Variants in TICRR observed in about 807,000 individuals in gnomAD.
The protein encoded by TICRR is treslin.
Under a neutral mutation model 178.1 loss-of-function variants are expected in TICRR, and 132 were observed. The observed-to-expected ratio is 0.74, with a 90% CI of 0.64 to 0.86. The LOEUF (loss-of-function observed/expected upper bound fraction) is 0.86, where lower values mean the gene tolerates loss of function less well. TICRR is among the 40% of genes least tolerant of loss of function. The pLI, the probability that TICRR is intolerant of heterozygous loss-of-function variation, is 0.00. For missense variants in TICRR, 2,587 were observed against 2,334.3 expected (o/e 1.11, Z -2.23); for synonymous variants, 991 against 900.7 (o/e 1.10, Z -1.79).
rs572785274 is a variant in TICRR, at chr15:89,586,672, G to A, written c.1411+730G>A. ...TCAGGGAAGGCCTTGCTGAAAAAATGATATTTGAGCAAAGGCATGAAGGAA... is the reference window on the plus strand; with the variant it reads ...TCAGGGAAGGCCTTGCTGAAAAAATAATATTTGAGCAAAGGCATGAAGGAA... On this transcript the variant is annotated intron_variant, in intron 4 of 21. Coordinates refer to ENST00000268138, the MANE Select transcript of TICRR (RefSeq NM_152259.4). 3.9e-4 allele frequency among the ~76,000 whole-genome samples: 60 copies of A among 152,318 alleles called. 1 individual carries two copies. The South Asian group carries it at 0.012, about 32-fold the overall frequency.
At chr15:89,607,148 A>C (rs1295615163) in intron 14 of TICRR, among the ~76,000 whole-genome samples, 2 of 152,222 alleles carry the variant, frequency 1.3e-5, no homozygotes, top group Non-Finnish European at 2.9e-5. Flanking sequence ...AATGCATTCC[A>C]TGATCCCTGC....
rs544783882 is a variant in TICRR at position 89,600,001 on chromosome 15, G to A, written c.2052+526G>A. On this transcript the variant is annotated intron_variant, in intron 8 of 21. Transcript: ENST00000268138. ...GGTGCCTGTAATCCCAGCTACTCGG[G>A]AGGCTGAGGCAGGAGAATCGTTTTA... is the stretch of plus-strand genomic sequence containing the variant. Among the ~76,000 whole-genome samples, 3 of 152,282 alleles carry A rather than the reference G, an allele frequency of 2.0e-5. No homozygotes were observed. The East Asian group carries it at 5.8e-4, about 29-fold the overall frequency.
intron 7 of TICRR, among the ~76,000 whole-genome samples, chr15:89,598,086 C>A (rs542437819): frequency 2.0e-5 from 3 of 152,236 alleles, no homozygotes; most frequent in Admixed American, 1.3e-4. Context: ...AATCTTGTAT[C>A]CTGCAAATTT....
chr15:89,616,879 C>T (rs1037062014), intron 16 of TICRR, among the ~76,000 whole-genome samples: 1 of 152,136 alleles, frequency 6.6e-6, no homozygotes, highest in Admixed American at 6.5e-5. Flanking sequence ...TTTTCTGCAG[C>T]GATTGGTTGG....
intron 4 of TICRR, among the ~76,000 whole-genome samples, chr15:89,586,813 G>A (rs563761996): frequency 6.6e-6 from 1 of 152,308 alleles, no homozygotes; most frequent in African/African-American, 2.4e-5. Context: ...GAGAGTAGGA[G>A]GGGGTGAGGT....
rs946213415 is a variant in TICRR at position 89,575,503 on chromosome 15, A to C, written c.-84A>C. On this transcript the variant is annotated 5_prime_UTR_variant, in exon 1 of 22. Transcript: ENST00000268138. Reference sequence around the variant, plus strand: ...ACCAGGGTCCCAAAGGAAAGCAGTGAGTGGTGCTGTTTCCCTGAAGGAAGG... The same window carrying C: ...ACCAGGGTCCCAAAGGAAAGCAGTGCGTGGTGCTGTTTCCCTGAAGGAAGG... 4.6e-6 allele frequency: 6 copies of C among 1,292,478 alleles called. No homozygotes were observed. The highest frequency in any genetic ancestry group is 4.9e-4 in the Middle Eastern group (2 of 4,096). 80.1% of individuals were successfully genotyped at this position (1,292,478 alleles called of 1,614,324 possible).
chr15:89,625,241 G>T lies in TICRR; in HGVS notation c.4931G>T (p.Cys1644Phe). ...AAGAGCAGGGGGCAAACCTACATCT[G>T]CCAGGCCTGTACCCCCACCCACGGC... ...PGKSRGQTYICQACTPTHGPS... is the reference protein window; with the variant it reads ...PGKSRGQTYIFQACTPTHGPS... Residue 1644 changes from cysteine (C) to phenylalanine (F), a missense_variant, in exon 20 of 22, where the codon TGC (cysteine) becomes TTC (phenylalanine). By Grantham distance (205) the Cys-to-Phe change is radical. Transcript: ENST00000268138. The T allele has an allele frequency of 9.3e-6, 15 of 1,613,648 alleles. No individual in the cohort carries two copies. The highest frequency in any genetic ancestry group is 1.3e-5 in the Non-Finnish European group (15 of 1,179,786).
Position 89,624,302 on chromosome 15 carries a change from A to T in TICRR, c.3992A>T (p.Glu1331Val). 1 of 1,614,192 alleles carries T rather than the reference A, an allele frequency of 6.2e-7. No homozygotes were observed. Among genetic ancestry groups the T allele is most frequent in the Non-Finnish European group, 8.5e-7 (1 of 1,180,036 alleles). ...AGTCCATTTAGGAAATCTAAAATAG[A>T]GTGTCCTTCCCCAGGAGAACTGGAT... ...KKSPFRKSKI[E>V]CPSPGELDQK... Residue 1331 changes from glutamate (E) to valine (V), a missense_variant, in exon 20 of 22, where the codon GAG (glutamate) becomes GTG (valine). Transcript: ENST00000268138.
Position 89,625,582 on chromosome 15 carries a change from A to G in TICRR, c.5272A>G (p.Lys1758Glu), listed in dbSNP as rs757262275. Reference protein sequence around the residue: ...DQSPPRNSMPKAEEASSWGQF... With the variant: ...DQSPPRNSMPEAEEASSWGQF... ...GTCGCCTCCCAGGAACAGCATGCCT[A>G]AGGCCGAGGAAGCCTCTTCCTGGGG... is the stretch of plus-strand genomic sequence containing the variant. The change falls in exon 20 of 22, where the codon AAG becomes GAG. Residue 1758 changes from lysine (K) to glutamate (E), a missense_variant. Coordinates refer to ENST00000268138, the MANE Select transcript of TICRR (RefSeq NM_152259.4). 33 of 1,612,920 alleles carry G rather than the reference A, an allele frequency of 2.0e-5. No individual in the cohort carries two copies. The highest frequency in any genetic ancestry group is 2.7e-5 in the Non-Finnish European group (32 of 1,179,992).
At position 89,576,179 on chromosome 15, in the gene TICRR, G is replaced by C; in HGVS notation, c.593G>C (p.Arg198Pro). Reference protein sequence around the residue: ...VMEKLLPKRVREVMVARKITF... With the variant: ...VMEKLLPKRVPEVMVARKITF... ...GAGAAGTTGTTGCCCAAGAGAGTCC[G>C]GGAAGTCATGGTCGCCCGAAAAATC... The change falls in exon 1 of 22, where the codon CGG becomes CCG. Residue 198 changes from arginine to proline, a missense_variant. Coordinates refer to ENST00000268138, the MANE Select transcript of TICRR (RefSeq NM_152259.4). 1 of 1,600,952 alleles carries C rather than the reference G, an allele frequency of 6.2e-7. No homozygotes were observed. The highest frequency in any genetic ancestry group is 8.5e-7 in the Non-Finnish European group (1 of 1,179,280).
intron 13 of TICRR, 21 bp from the exon 14 acceptor site, chr15:89,606,747 C>G: frequency 6.2e-7 from 1 of 1,611,344 alleles, no homozygotes; most frequent in Non-Finnish European, 8.5e-7. Flanking sequence ...AATTTTCTTT[C>G]TGGATTTTCT....
At chr15:89,603,033 G>T (rs1963121804) in intron 13 of TICRR, 141 bp downstream of exon 13, 1 of 419,966 alleles carries the variant, frequency 2.4e-6, no homozygotes, top group Non-Finnish European at 4.2e-6. Context: ...ATAATCCAAG[G>T]AATAAAGAAA....
rs1161843248 is a variant in TICRR, at chr15:89,575,599, C to G, written c.13C>G (p.His5Asp). Residue 5 changes from histidine (H) to aspartate (D), a missense_variant, in exon 1 of 22, where the codon CAC becomes GAC. By Grantham distance (81) the His-to-Asp change is moderately conservative. Coordinates refer to ENST00000268138, the MANE Select transcript of TICRR (RefSeq NM_152259.4). ...CGGCACGGCCGATATGGCATGCTGT[C>G]ACAAAGTAATGCTGCTGCTGGACAC... MACC[H>D]KVMLLLDTAG... 1.3e-6 allele frequency: 2 copies of G among 1,506,568 alleles called. No homozygotes were observed. The highest frequency in any genetic ancestry group is 1.8e-6 in the Non-Finnish European group (2 of 1,134,006). 93.3% of individuals were successfully genotyped at this position (1,506,568 alleles called of 1,614,324 possible). A position where few individuals can be genotyped will look rare whatever the true frequency, so the allele number is the denominator to read the frequency against.
At chr15:89,582,323 CAAAA>C (rs35892715) in intron 1 of TICRR, 17 of 113,094 alleles carry the variant, frequency 1.5e-4, no homozygotes, top group East Asian at 2.8e-4. Flanking sequence ...GACTCTGACT[CAAAA>C]AAAAAAAAAA....
rs770483522 is a variant in TICRR at position 89,625,635 on chromosome 15, A to T, written c.5325A>T (p.Arg1775Ser). ...WGQFGLSSRKRVLLAKEEADR... is the reference protein window; with the variant it reads ...WGQFGLSSRKSVLLAKEEADR... ...AGTTTGGGTTGAGTTCCAGGAAGAG[A>T]GTCCTGTTGGCCAAGGAAGAAGCTG... is the stretch of plus-strand genomic sequence containing the variant. Residue 1775 changes from arginine to serine, a missense_variant, in exon 20 of 22, where the codon AGA becomes AGT. Arg to Ser is a moderately radical substitution (Grantham distance 110). Transcript: ENST00000268138. 6.2e-7 allele frequency: 1 copy of T among 1,613,418 alleles called. No individual in the cohort carries two copies. The highest frequency in any genetic ancestry group is 2.2e-5 in the East Asian group (1 of 44,870).
chr15:89,590,597 A>C (rs536869435), intron 4 of TICRR, among the ~76,000 whole-genome samples: 1 of 152,202 alleles, frequency 6.6e-6, no homozygotes, highest in African/African-American at 2.4e-5. Flanking sequence ...ACCATGCTCC[A>C]TCTGGGTGAG....
chr15:89,603,914 A>T (rs1009051048), intron 13 of TICRR, among the ~76,000 whole-genome samples: 1 of 152,180 alleles, frequency 6.6e-6, no homozygotes, highest in Non-Finnish European at 1.5e-5. Context: ...ATATTCACCC[A>T]TTTTGGGGCC....
intron 13 of TICRR, among the ~76,000 whole-genome samples, chr15:89,605,808 G>A (rs1164097076): frequency 6.6e-6 from 1 of 152,040 alleles, no homozygotes; most frequent in South Asian, 2.1e-4. Context: ...ATATGTGGTG[G>A]CTTCTTCAAT....
intron 21 of TICRR, 25 bp downstream of exon 21, chr15:89,626,086 C>T (rs1963520051): frequency 6.2e-7 from 1 of 1,609,418 alleles, no homozygotes; most frequent in Non-Finnish European, 8.5e-7. Context: ...AGGTCTAGGA[C>T]CCTTTCCTGT....
Sources: gnomAD v4.1 joint callset for allele counts (sites outside exome capture counted in the v4.1 genomes callset) on GRCh38, gnomAD v4.1.1 for gene constraint, MANE v1.5 for transcripts, NCBI Gene and HGNC (gene_info 2026-07-23, HGNC 2026-07-21) for gene names.